SPMIP4: variants seen among roughly 807,000 people sequenced by gnomAD.
SPMIP4 encodes sperm-associated microtubule inner protein 4.
chr7:25,158,250 C>T, the SPMIP4 span, among the ~76,000 whole-genome samples: 1 of 151,600 alleles, frequency 6.6e-6, no homozygotes, highest in Non-Finnish European at 1.5e-5. Context: ...CACCTGTAGT[C>T]CCAGCTACTT....
At chr7:25,151,759 A>G in the SPMIP4 span, 2 of 771,818 alleles carry the variant, frequency 2.6e-6, no homozygotes, top group South Asian at 1.7e-5. Flanking sequence ...TAGAAATGAG[A>G]TAATACAAGG....
the SPMIP4 span, among the ~76,000 whole-genome samples, chr7:25,131,621 C>G: frequency 6.6e-6 from 1 of 152,166 alleles, no homozygotes; most frequent in Non-Finnish European, 1.5e-5. The surrounding 1 kb of genome is among the most constrained non-coding windows in gnomAD (Gnocchi z 4.2). Context: ...CAGGCCACTT[C>G]CAAAATGGCA....
the SPMIP4 span, among the ~76,000 whole-genome samples, chr7:25,141,882 C>T: frequency 2.6e-5 from 4 of 152,014 alleles, no homozygotes; most frequent in African/African-American, 9.7e-5. Context: ...GGAGTAGAGG[C>T]GAGTGCCACC....
chr7:25,133,975 T>C, the SPMIP4 span, among the ~76,000 whole-genome samples: 1 of 152,130 alleles, frequency 6.6e-6, no homozygotes, highest in Non-Finnish European at 1.5e-5. Context: ...AAAATAGAGT[T>C]ACTAGGCTGG....
the SPMIP4 span, chr7:25,142,194 C>T: frequency 1.4e-6 from 2 of 1,403,978 alleles, no homozygotes; most frequent in African/African-American, 2.8e-5. Context: ...AAGAAGGAGC[C>T]CAGCACTCTC....
chr7:25,166,228 G>T, the SPMIP4 span, among the ~76,000 whole-genome samples: 26,002 of 75,646 alleles, frequency 0.34, 3,632 homozygotes, highest in African/African-American at 0.5. Flanking sequence ...CTTTCTTTCC[G>T]TCTTCTTTTT....
At chr7:25,174,262 C>T in the SPMIP4 span, among the ~76,000 whole-genome samples, 1 of 152,064 alleles carries the variant, frequency 6.6e-6, no homozygotes, top group African/African-American at 2.4e-5. This position sits in a 1 kb window ranked among gnomAD's most constrained non-coding sequence, Gnocchi z 4.5. Flanking sequence ...CTCTCACTCT[C>T]TCTCCATGTC....
At chr7:25,176,608 G>T in the SPMIP4 span, among the ~76,000 whole-genome samples, 1 of 152,132 alleles carries the variant, frequency 6.6e-6, no homozygotes, top group African/African-American at 2.4e-5. The surrounding 1 kb of genome is among the most constrained non-coding windows in gnomAD (Gnocchi z 4.4). Flanking sequence ...TGTTGAATAT[G>T]ATCTTTACAT....
At chr7:25,133,205 CTTT>C in the SPMIP4 span, among the ~76,000 whole-genome samples, 1 of 152,170 alleles carries the variant, frequency 6.6e-6, no homozygotes, top group South Asian at 2.1e-4. Flanking sequence ...TTTTCAGGAA[CTTT>C]TTTTCTGTAT....
chr7:25,170,644 T>C, the SPMIP4 span, among the ~76,000 whole-genome samples: 1 of 152,260 alleles, frequency 6.6e-6, no homozygotes, highest in Non-Finnish European at 1.5e-5. Flanking sequence ...TGTTTTCTTC[T>C]AAGTATCTTA....
the SPMIP4 span, among the ~76,000 whole-genome samples, chr7:25,146,431 C>A: frequency 1.3e-5 from 2 of 152,146 alleles, no homozygotes; most frequent in Admixed American, 1.3e-4. Flanking sequence ...TGGAGAGGTG[C>A]ACTGTGGGCA....
At chr7:25,141,574 G>GAAAAAA in the SPMIP4 span, among the ~76,000 whole-genome samples, 1 of 94,962 alleles carries the variant, frequency 1.1e-5, no homozygotes, top group African/African-American at 4.2e-5. Flanking sequence ...CTGTCTCAAG[G>GAAAAAA]AAAAAAAAAA....
chr7:25,154,966 C>T, the SPMIP4 span: 13 of 1,538,720 alleles, frequency 8.4e-6, no homozygotes, highest in Non-Finnish European at 9.8e-6. Context: ...GAAGAAATCC[C>T]AATAATAAGA....
chr7:25,154,927 T>A, the SPMIP4 span: 1 of 1,330,066 alleles, frequency 7.5e-7, no homozygotes, highest in East Asian at 2.4e-5. Context: ...ACTTGAGTCC[T>A]TTGTGCTCCT....
At chr7:25,171,242 T>TA in the SPMIP4 span, among the ~76,000 whole-genome samples, 1 of 152,236 alleles carries the variant, frequency 6.6e-6, no homozygotes, top group Non-Finnish European at 1.5e-5. Context: ...TCAGATGATT[T>TA]ACTCTGCTTT....
chr7:25,155,225 A>G, the SPMIP4 span: 1 of 1,485,748 alleles, frequency 6.7e-7, no homozygotes, highest in Non-Finnish European at 9.0e-7. Context: ...AACAAAATGA[A>G]AAGAACAGAA....
At chr7:25,155,168 A>G in the SPMIP4 span, 3 of 1,563,434 alleles carry the variant, frequency 1.9e-6, no homozygotes, top group Non-Finnish European at 2.6e-6. Flanking sequence ...AGGGGTGTTC[A>G]ATTGGATATG....
At chr7:25,144,087 T>C in the SPMIP4 span, among the ~76,000 whole-genome samples, 2 of 152,240 alleles carry the variant, frequency 1.3e-5, no homozygotes, top group East Asian at 3.9e-4. Context: ...GTATGGATAG[T>C]GGTGGCAAGT....
chr7:25,167,901 A>G, the SPMIP4 span, among the ~76,000 whole-genome samples: 38 of 152,244 alleles, frequency 2.5e-4, no homozygotes, highest in Non-Finnish European at 4.4e-5. Flanking sequence ...TCACCTGAAA[A>G]CAATGCCCAG....
Sources: allele counts gnomAD v4.1 joint callset (sites outside exome capture counted in the v4.1 genomes callset), GRCh38; gene constraint gnomAD v4.1.1; non-coding constraint Gnocchi (gnomAD v3.1); transcripts MANE v1.5; gene names NCBI Gene and HGNC (gene_info 2026-07-23, HGNC 2026-07-21).